CNTNAP5: variants seen among roughly 807,000 people sequenced by gnomAD.
The protein encoded by CNTNAP5 is contactin-associated protein-like 5.
In CNTNAP5, 72 loss-of-function variants were observed where a neutral mutation model predicts 150.2. That is an observed-to-expected ratio of 0.48 (90% CI 0.40 to 0.58). The LOEUF (loss-of-function observed/expected upper bound fraction) is 0.58. Ranked by LOEUF, CNTNAP5 falls within the 20% of genes least tolerant of loss-of-function variation. The pLI, the probability that CNTNAP5 is intolerant of heterozygous loss-of-function variation, is 0.00. For missense variants in CNTNAP5, 1,636 were observed against 1,626.2 expected (o/e 1.01, Z -0.10); for synonymous variants, 672 against 619.8 (o/e 1.08, Z -1.25).
intron 19 of CNTNAP5, among the ~76,000 whole-genome samples, chr2:124,847,709 C>T (rs1266110305): frequency 6.6e-6 from 1 of 152,146 alleles, no homozygotes; most frequent in Non-Finnish European, 1.5e-5. Flanking sequence ...ACACACTGCT[C>T]TGTCCATCCA....
chr2:124,469,118 A>G (rs556145287), intron 6 of CNTNAP5, among the ~76,000 whole-genome samples: 30 of 152,234 alleles, frequency 2.0e-4, no homozygotes, highest in African/African-American at 7.0e-4. Context: ...TCAAGCTACC[A>G]CCTAACTGTG....
chr2:124,464,209 G>A (rs530356210), intron 6 of CNTNAP5, among the ~76,000 whole-genome samples: 122 of 152,068 alleles, frequency 8.0e-4, no homozygotes, highest in Non-Finnish European at 1.4e-3. Flanking sequence ...CACTGGGGCA[G>A]GATGTCAGGA....
intron 7 of CNTNAP5, among the ~76,000 whole-genome samples, chr2:124,486,684 A>G (rs1440704374): frequency 6.6e-6 from 1 of 152,222 alleles, no homozygotes; most frequent in African/African-American, 2.4e-5. Context: ...CAATACCAGC[A>G]TGTCTCACAA....
Position 124,694,771 on chromosome 2 carries a change from A to AT in CNTNAP5, c.2077+46821dup, listed in dbSNP as rs533342828. Among the ~76,000 whole-genome samples the AT allele has an allele frequency of 1.8e-4, 28 of 152,152 alleles. No homozygotes were observed. The South Asian group carries it at 5.4e-3, about 29-fold the overall frequency. On this transcript the variant is annotated intron_variant, in intron 13 of 23. Transcript: ENST00000682447. The stretch of plus-strand genomic sequence containing the variant: ...TTATTCTCACAGAATGTATTCATTG[A>AT]TTTTTTTTCCAAATCCTGGCATTCA...
At chr2:124,466,262 C>T (rs531797469) in intron 6 of CNTNAP5, among the ~76,000 whole-genome samples, 1 of 152,064 alleles carries the variant, frequency 6.6e-6, no homozygotes, top group Admixed American at 6.6e-5. Flanking sequence ...TCAGAGAATA[C>T]AATAACTCTA....
chr2:124,643,475 G>A (rs1234025922), intron 12 of CNTNAP5, among the ~76,000 whole-genome samples: 4 of 151,966 alleles, frequency 2.6e-5, no homozygotes, highest in East Asian at 1.9e-4. Flanking sequence ...GATACATAGG[G>A]CAATTCTATA....
intron 1 of CNTNAP5, among the ~76,000 whole-genome samples, chr2:124,043,921 A>G (rs986844827): frequency 2.0e-5 from 3 of 152,142 alleles, no homozygotes; most frequent in Non-Finnish European, 4.4e-5. Flanking sequence ...GTGAACTTTG[A>G]ACTCACATCT....
chr2:124,639,363 C>T (rs1387010986), intron 12 of CNTNAP5, among the ~76,000 whole-genome samples: 1 of 152,148 alleles, frequency 6.6e-6, no homozygotes, highest in Non-Finnish European at 1.5e-5. Context: ...ATGAGTAATT[C>T]TGCTCTTGTC....
chr2:124,863,529 G>A (rs1677567721), intron 19 of CNTNAP5, among the ~76,000 whole-genome samples: 1 of 152,230 alleles, frequency 6.6e-6, no homozygotes, highest in Non-Finnish European at 1.5e-5. Context: ...GGTATAGAGA[G>A]CTTCTCCTTC....
intron 1 of CNTNAP5, among the ~76,000 whole-genome samples, chr2:124,145,835 A>AAAAAAAAAAAAAAAAAAAAAAAAAAG (rs1684235103): frequency 4.0e-5 from 2 of 49,798 alleles, no homozygotes; most frequent in Non-Finnish European, 6.9e-5. Flanking sequence ...AAAAGAAGAA[A>AAAAAAAAAAAAAAAAAAAAAAAAAAG]AAAAAAAAAA....
At chr2:124,122,059 A>T (rs552688097) in intron 1 of CNTNAP5, among the ~76,000 whole-genome samples, 1 of 152,244 alleles carries the variant, frequency 6.6e-6, no homozygotes, top group African/African-American at 2.4e-5. Flanking sequence ...GATGCTAAAT[A>T]GCTGTGGATT....
At chr2:124,799,937 C>T (rs1172425494) in intron 19 of CNTNAP5, among the ~76,000 whole-genome samples, 1 of 152,176 alleles carries the variant, frequency 6.6e-6, no homozygotes, top group Non-Finnish European at 1.5e-5. Flanking sequence ...GGGGGAAACA[C>T]TATGGGTAAT....
At chr2:124,515,875 C>T (rs902149867) in intron 8 of CNTNAP5, among the ~76,000 whole-genome samples, 3 of 152,152 alleles carry the variant, frequency 2.0e-5, no homozygotes, top group Non-Finnish European at 2.9e-5. Flanking sequence ...GTAGATTGTC[C>T]AACTAAGCAG....
chr2:124,500,778 G>A (rs375931890), intron 7 of CNTNAP5, among the ~76,000 whole-genome samples: 3 of 152,122 alleles, frequency 2.0e-5, no homozygotes, highest in Non-Finnish European at 4.4e-5. Flanking sequence ...TTGGCTGTTC[G>A]AGAAGGGGCA....
intron 1 of CNTNAP5, among the ~76,000 whole-genome samples, chr2:124,060,494 G>A (rs1312323706): frequency 6.6e-6 from 1 of 152,142 alleles, no homozygotes; most frequent in Non-Finnish European, 1.5e-5. Context: ...AGCAGAATTT[G>A]CAAACTCAGG....
rs534466825 is a variant in CNTNAP5 at position 124,880,559 on chromosome 2, C to T, written c.3436+10797C>T. On this transcript the variant is annotated intron_variant, in intron 21 of 23. Coordinates refer to ENST00000682447, the MANE Select transcript of CNTNAP5 (RefSeq NM_001367498.1). ...ATAAGCCTTGCACAGAGCATGCCTC[C>T]CATAAAAGATAAACATTATATAAAT... Among the ~76,000 whole-genome samples, 3 of 152,082 alleles carry T rather than the reference C, an allele frequency of 2.0e-5. No individual in the cohort carries two copies. The East Asian group carries it at 5.8e-4, about 30-fold the overall frequency.
chr2:124,187,622 G>T (rs570358734), intron 1 of CNTNAP5, among the ~76,000 whole-genome samples: 3 of 152,256 alleles, frequency 2.0e-5, no homozygotes, highest in Admixed American at 2.0e-4. Flanking sequence ...CAAAAACAAG[G>T]TGGTGAGTTG....
chr2:124,415,570 G>A (rs1691896254), intron 3 of CNTNAP5, among the ~76,000 whole-genome samples: 1 of 152,224 alleles, frequency 6.6e-6, no homozygotes, highest in Non-Finnish European at 1.5e-5. Flanking sequence ...ATCTGCGAAA[G>A]CAATGGATCT....
chr2:124,744,125 T>C (rs1680557157), intron 13 of CNTNAP5, among the ~76,000 whole-genome samples: 1 of 152,208 alleles, frequency 6.6e-6, no homozygotes, highest in South Asian at 2.1e-4. Flanking sequence ...TCCTGAATTG[T>C]AGCTCCCATG....
Sources: gnomAD v4.1 joint callset for allele counts (sites outside exome capture counted in the v4.1 genomes callset) on GRCh38, gnomAD v4.1.1 for gene constraint, MANE v1.5 for transcripts, NCBI Gene and HGNC (gene_info 2026-07-23, HGNC 2026-07-21) for gene names.